ERN1: variants seen among roughly 807,000 people sequenced by gnomAD.
ERN1 encodes serine/threonine-protein kinase/endoribonuclease IRE1.
Under a neutral mutation model 113.1 loss-of-function variants are expected in ERN1, and 39 were observed. The ratio of observed to expected loss-of-function variants is 0.34; its 90% CI spans 0.27 to 0.45. The LOEUF is 0.45. Ranked by LOEUF, ERN1 falls within the 20% of genes least tolerant of loss-of-function variation. ERN1 has a pLI of 1.00. For synonymous variants in ERN1, 507 were observed against 515.9 expected (o/e 0.98, Z 0.23); for missense variants, 976 against 1,274.8 (o/e 0.77, Z 3.57).
At chr17:64,066,958 T>C (rs372356432) in intron 7 of ERN1, 26 bp from the exon 8 acceptor site, 2 of 1,602,644 alleles carry the variant, frequency 1.2e-6, no homozygotes, top group Non-Finnish European at 1.7e-6. Context: ...AAACAAAGCA[T>C]GCTGAGTCTC....
chr17:64,107,863 T>C (rs1167088273), intron 1 of ERN1, among the ~76,000 whole-genome samples: 1 of 152,226 alleles, frequency 6.6e-6, no homozygotes, highest in African/African-American at 2.4e-5. Flanking sequence ...CAGTAAATCA[T>C]TCCAAATTCT....
chr17:64,124,451 G>T (rs773857843), intron 1 of ERN1, among the ~76,000 whole-genome samples: 4 of 152,152 alleles, frequency 2.6e-5, no homozygotes, highest in Non-Finnish European at 4.4e-5. Context: ...GAGGGACCCC[G>T]TGGGAGACAA....
chr17:64,068,385 C>A, intron 6 of ERN1, 94 bp from the exon 7 acceptor site: 1 of 907,436 alleles, frequency 1.1e-6, no homozygotes, highest in Non-Finnish European at 1.8e-6. Flanking sequence ...ACAAATCCTC[C>A]CTAAACTGTA....
At chr17:64,082,850 A>T (rs1913809988) in intron 2 of ERN1, among the ~76,000 whole-genome samples, 1 of 150,578 alleles carries the variant, frequency 6.6e-6, no homozygotes, top group African/African-American at 2.4e-5. Context: ...AAGAACTGTG[A>T]TTTTTTTTTT....
At chr17:64,053,093 T>G in intron 16 of ERN1, 114 bp from the exon 17 acceptor site, 1 of 974,192 alleles carries the variant, frequency 1.0e-6, no homozygotes, top group Admixed American at 2.6e-5. Flanking sequence ...CCTCCAAATG[T>G]TCTGATTTTC....
At chr17:64,107,090 G>A (rs952581156) in intron 1 of ERN1, among the ~76,000 whole-genome samples, 2 of 152,096 alleles carry the variant, frequency 1.3e-5, no homozygotes, top group African/African-American at 4.8e-5. Context: ...GTAGGAGACT[G>A]TCCGATCATG....
chr17:64,063,905 G>A lies in ERN1; in HGVS notation c.1087+81C>T. 1 of 1,387,504 alleles carries A rather than the reference G, an allele frequency of 7.2e-7. No individual in the cohort carries two copies. The highest frequency in any genetic ancestry group is 1.0e-6 in the Non-Finnish European group (1 of 996,220). The allele number at this position is 1,387,504 out of a possible 1,614,324, so 85.9% of individuals were successfully genotyped here. On this transcript the variant is annotated intron_variant, in intron 10 of 21. Transcript: ENST00000433197. This position sits in a 1 kb window ranked among gnomAD's most constrained non-coding sequence, Gnocchi z 5.1. ...CACAAGGCCTTCCGAGCTCAGTACGGTGTAACTACCAGGGCCGGCGGTCGC... is the reference window on the plus strand; with the variant it reads ...CACAAGGCCTTCCGAGCTCAGTACGATGTAACTACCAGGGCCGGCGGTCGC...
chr17:64,058,795 TCACCCCTCCCCC>T (rs1912960997), intron 11 of ERN1, among the ~76,000 whole-genome samples: 1 of 152,140 alleles, frequency 6.6e-6, no homozygotes, highest in South Asian at 2.1e-4. Flanking sequence ...TCACGCCATT[TCACCCCTCCCCC>T]CAGATGGCTG....
Position 64,057,882 on chromosome 17 carries a change from T to C in ERN1, c.1318A>G (p.Met440Val). The change falls in exon 12 of 22, where the codon ATG (methionine) becomes GTG (valine). Residue 440 changes from methionine to valine, a missense_variant. Met to Val is a conservative substitution (Grantham distance 21). Coordinates refer to ENST00000433197, the MANE Select transcript of ERN1 (RefSeq NM_001433.5). ...PARPEAPVDS[M>V]LKDMATIILS... ...ATGATGGTAGCCATGTCCTTAAGCA[T>C]GGAGTCCACGGGGGCCTCGGGCCGG... The C allele has an allele frequency of 6.2e-7, 1 of 1,613,888 alleles. No homozygotes were observed. Among genetic ancestry groups the C allele is most frequent in the Non-Finnish European group, 8.5e-7 (1 of 1,179,840 alleles).
intron 6 of ERN1, among the ~76,000 whole-genome samples, chr17:64,071,440 G>T (rs369874970): frequency 2.0e-5 from 3 of 151,958 alleles, no homozygotes; most frequent in Non-Finnish European, 4.4e-5. Flanking sequence ...GGGCAGGGGG[G>T]ATGGAGTTTT....
chr17:64,071,410 T>G (rs1913411311), intron 6 of ERN1, among the ~76,000 whole-genome samples: 1 of 151,908 alleles, frequency 6.6e-6, no homozygotes. Flanking sequence ...TCATCCTAAT[T>G]GGGAAACTTT....
At chr17:64,122,743 T>C (rs560888598) in intron 1 of ERN1, among the ~76,000 whole-genome samples, 17 of 152,320 alleles carry the variant, frequency 1.1e-4, no homozygotes, top group South Asian at 2.1e-4. Flanking sequence ...CTGGAAGGAA[T>C]TGGAGAATGT....
At chr17:64,122,008 G>A (rs1914968173) in intron 1 of ERN1, among the ~76,000 whole-genome samples, 1 of 152,182 alleles carries the variant, frequency 6.6e-6, no homozygotes, top group South Asian at 2.1e-4. Context: ...AAGCCTACTG[G>A]CCTAGACCTT....
intron 4 of ERN1, among the ~76,000 whole-genome samples, chr17:64,077,971 G>A (rs760441195): frequency 3.9e-5 from 6 of 152,064 alleles, no homozygotes; most frequent in Non-Finnish European, 5.9e-5. Context: ...CTGACCTCGT[G>A]ATCCGCCCAC....
rs1442181170 is a variant in ERN1, at chr17:64,130,033, G to A, written c.-4C>T. On this transcript the variant is annotated 5_prime_UTR_variant, in exon 1 of 22. Coordinates refer to ENST00000433197, the MANE Select transcript of ERN1 (RefSeq NM_001433.5). This position sits in a 1 kb window ranked among gnomAD's most constrained non-coding sequence, Gnocchi z 4.0. ...GCAGCAGCCGCCGGGCCGGCATGGC[G>A]AGGACTCGGCCCTGGCTCCGGGGGC... 2 of 1,422,374 alleles carry A rather than the reference G, an allele frequency of 1.4e-6. No homozygotes were observed. The highest frequency in any genetic ancestry group is 1.5e-5 in the South Asian group (1 of 68,334). 88.1% of individuals were successfully genotyped at this position (1,422,374 alleles called of 1,614,324 possible).
rs1912280310 is a variant in ERN1 at position 64,039,754 on chromosome 17, C to T, written c.*4234G>A. The T allele has an allele frequency of 1.3e-5, 2 of 152,326 alleles. No homozygotes were observed. Among genetic ancestry groups the T allele is most frequent in the Middle Eastern group, 3.4e-3 (1 of 294 alleles). 9.4% of individuals were successfully genotyped at this position (152,326 alleles called of 1,614,324 possible). A position where few individuals can be genotyped will look rare whatever the true frequency, so the allele number is the denominator to read the frequency against. ...TTCTAGGTAAGTGGGGACTCCCCAT[C>T]ACAGCTTTAGGGACACTGAAAAGGA... On this transcript the variant is annotated 3_prime_UTR_variant, in exon 22 of 22. Coordinates refer to ENST00000433197, the MANE Select transcript of ERN1 (RefSeq NM_001433.5).
intron 13 of ERN1, among the ~76,000 whole-genome samples, chr17:64,055,112 C>A (rs894711549): frequency 6.6e-6 from 1 of 152,250 alleles, no homozygotes; most frequent in African/African-American, 2.4e-5. Context: ...GCGTTTCACA[C>A]ACTTATACAT....
intron 1 of ERN1, among the ~76,000 whole-genome samples, chr17:64,105,909 G>A (rs1444096371): frequency 6.8e-6 from 1 of 147,770 alleles, no homozygotes; most frequent in Non-Finnish European, 1.5e-5. Flanking sequence ...GAGCCGAGAT[G>A]GTGCCGTTGC....
Position 64,044,335 on chromosome 17 carries a change from G to C in ERN1, c.2722-135C>G, listed in dbSNP as rs1431956865. The C allele has an allele frequency of 6.3e-6, 4 of 635,542 alleles. No individual in the cohort carries two copies. The highest frequency in any genetic ancestry group is 5.4e-5 in the South Asian group (2 of 36,738). 39.4% of individuals were successfully genotyped at this position (635,542 alleles called of 1,614,324 possible). A position where few individuals can be genotyped will look rare whatever the true frequency, so the allele number is the denominator to read the frequency against. ...TTTTTGGTAAAGAAAAAGAAAAAAG[G>C]CTTATGTATCCAAGAATCCAGCCCC... On this transcript the variant is annotated intron_variant, in intron 21 of 21. Coordinates refer to ENST00000433197, the MANE Select transcript of ERN1 (RefSeq NM_001433.5). This position sits in a 1 kb window ranked among gnomAD's most constrained non-coding sequence, Gnocchi z 4.1.
Sources: allele counts gnomAD v4.1 joint callset (sites outside exome capture counted in the v4.1 genomes callset), GRCh38; gene constraint gnomAD v4.1.1; non-coding constraint Gnocchi (gnomAD v3.1); transcripts MANE v1.5; gene names NCBI Gene and HGNC (gene_info 2026-07-23, HGNC 2026-07-21).